The following CXXC1 variants were observed in gnomAD, a reference collection of about 807,000 sequenced individuals.
CXXC1 encodes CXXC-type zinc finger protein 1.
CXXC1 carries 21 observed loss-of-function variants against 83.6 expected under a neutral mutation model. The observed-to-expected ratio is 0.25, with a 90% confidence interval of 0.18 to 0.36. The LOEUF is 0.36. Ranked by LOEUF, CXXC1 falls within the 10% of genes least tolerant of loss-of-function variation. The pLI is 1.00. For synonymous variants in CXXC1, 371 were observed against 337.5 expected (o/e 1.10, Z -1.09); for missense variants, 688 against 919.5 (o/e 0.75, Z 3.26).
intron 13 of CXXC1, 77 bp downstream of exon 13, chr18:50,283,188 G>A (rs2149285135): frequency 7.4e-7 from 1 of 1,350,542 alleles, no homozygotes; most frequent in South Asian, 1.2e-5. Context: ...AAAGTGAGGT[G>A]AGGAAGGAAG....
In CXXC1 at chr18:50,285,435, T is replaced by G; in HGVS notation, c.640-84A>C. On this transcript the variant is annotated intron_variant, in intron 5 of 14. Coordinates refer to ENST00000285106, the MANE Select transcript of CXXC1 (RefSeq NM_014593.4). The surrounding 1 kb of genome is among the most constrained non-coding windows in gnomAD (Gnocchi z 4.4). Reference sequence around the variant, plus strand: ...CTAGCCCTACCCACCTGGCCTGGCCTTACCTCCCCAGACACACCTCCCCGC... The same window carrying G: ...CTAGCCCTACCCACCTGGCCTGGCCGTACCTCCCCAGACACACCTCCCCGC... 1 of 1,476,194 alleles carries G rather than the reference T, an allele frequency of 6.8e-7. No individual in the cohort carries two copies. Among genetic ancestry groups the G allele is most frequent in the Non-Finnish European group, 9.1e-7 (1 of 1,103,620 alleles). The allele number at this position is 1,476,194 out of a possible 1,614,324, so 91.4% of individuals were successfully genotyped here.
In CXXC1 at chr18:50,285,710, C is replaced by G; in HGVS notation, c.639+39G>C. 6.2e-7 allele frequency: 1 copy of G among 1,603,116 alleles called. No homozygotes were observed. The highest frequency in any genetic ancestry group is 1.1e-5 in the South Asian group (1 of 90,600). ...CTAACCATGCATGGACCCACCAGCT[C>G]TCCCACACCTGACCCTACCCAGCTC... On this transcript the variant is annotated intron_variant, in intron 5 of 14. Transcript: ENST00000285106. The surrounding 1 kb of genome is among the most constrained non-coding windows in gnomAD (Gnocchi z 4.4).
intron 1 of CXXC1, 169 bp from the exon 2 acceptor site, chr18:50,287,027 C>T (rs1257963845): frequency 1.6e-5 from 10 of 613,252 alleles, no homozygotes; most frequent in South Asian, 1.8e-5. Flanking sequence ...CCATCCCTTC[C>T]TCTGACATCC....
chr18:50,285,480 T>G lies in CXXC1; in HGVS notation c.640-129A>C. 1 of 1,185,560 alleles carries G rather than the reference T, an allele frequency of 8.4e-7. No individual in the cohort carries two copies. Among genetic ancestry groups the G allele is most frequent in the Non-Finnish European group, 1.2e-6 (1 of 853,692 alleles). 73.4% of individuals were successfully genotyped at this position (1,185,560 alleles called of 1,614,324 possible). Reference sequence around the variant, plus strand: ...CCCCGCTACCCCTCATTGCCAGGAATGCTCAGCCCTGCCTGATCTGTACCA... The same window carrying G: ...CCCCGCTACCCCTCATTGCCAGGAAGGCTCAGCCCTGCCTGATCTGTACCA... On this transcript the variant is annotated intron_variant, in intron 5 of 14. Coordinates refer to ENST00000285106, the MANE Select transcript of CXXC1 (RefSeq NM_014593.4). The surrounding 1 kb of genome is among the most constrained non-coding windows in gnomAD (Gnocchi z 4.4).
intron 7 of CXXC1, 55 bp downstream of exon 7, chr18:50,284,947 C>T: frequency 1.2e-6 from 2 of 1,612,850 alleles, no homozygotes; most frequent in Non-Finnish European, 1.7e-6. Context: ...ATTAGGGATA[C>T]TCTCTGCTTC....
chr18:50,284,861 AC>A (rs1287689650), intron 7 of CXXC1, 22 bp from the exon 8 acceptor site: 6 of 1,613,792 alleles, frequency 3.7e-6, no homozygotes, highest in Non-Finnish European at 5.1e-6. Flanking sequence ...GCATGCACTG[AC>A]CCACCTGCCC....
intron 9 of CXXC1, 31 bp from the exon 10 acceptor site, chr18:50,284,132 G>A: frequency 6.3e-7 from 1 of 1,588,854 alleles, no homozygotes; most frequent in Non-Finnish European, 8.6e-7. Context: ...AACAGAATGA[G>A]TGAGGTGATC....
Position 50,283,818 on chromosome 18 carries a change from G to A in CXXC1, c.1414-3C>T. On this transcript the variant is annotated splice_polypyrimidine_tract_variant and splice_region_variant and intron_variant, in intron 10 of 14. Transcript: ENST00000285106. ...TCATCACTGTCACCCTCGTTGCTCT[G>A]CATGGAATGGAAGGAACAATAAGGC... 6.2e-7 allele frequency: 1 copy of A among 1,614,084 alleles called. No individual in the cohort carries two copies. Among genetic ancestry groups the A allele is most frequent in the Non-Finnish European group, 8.5e-7 (1 of 1,179,918 alleles).
rs748917594 is a variant in CXXC1, at chr18:50,286,723, A to G, written c.122+17T>C. 8.1e-6 allele frequency: 13 copies of G among 1,611,558 alleles called. No homozygotes were observed. In the East Asian group the frequency reaches 2.7e-4, roughly 33 times the overall value. ...CACCCTGCCAGTGTCAGCCCCGCCC[A>G]TCTCTCCCGCGCTCACATCATGAAG... On this transcript the variant is annotated intron_variant, in intron 2 of 14. Transcript: ENST00000285106.
chr18:50,284,450 G>T lies in CXXC1; in HGVS notation c.1133C>A (p.Pro378His). ...DPASLPQCLG[P>H]GCVRPAQPSS... ...GGGCTGGGCGGGGCGCACACAGCCGGGCCCCAGGCACTGGGGCAGTGACGC... is the reference window on the plus strand; with the variant it reads ...GGGCTGGGCGGGGCGCACACAGCCGTGCCCCAGGCACTGGGGCAGTGACGC... The change falls in exon 9 of 15, where the codon CCC becomes CAC. Residue 378 changes from proline to histidine, a missense_variant. This residue lies in a region of CXXC1 where 100 missense variants were observed against 142.5 expected (regional missense o/e 0.70). Coordinates refer to ENST00000285106, the MANE Select transcript of CXXC1 (RefSeq NM_014593.4). The T allele has an allele frequency of 6.2e-7, 1 of 1,604,520 alleles. No homozygotes were observed.
At chr18:50,287,147 G>A in intron 1 of CXXC1, 1 of 525,628 alleles carries the variant, frequency 1.9e-6, no homozygotes, top group Non-Finnish European at 3.4e-6. Flanking sequence ...CACAGACCCC[G>A]CGTAACTCAC....
rs1258822219 is a variant in CXXC1 at position 50,286,861 on chromosome 18, G to A, written c.4-3C>T. On this transcript the variant is annotated splice_polypyrimidine_tract_variant and splice_region_variant and intron_variant, in intron 1 of 14. Coordinates refer to ENST00000285106, the MANE Select transcript of CXXC1 (RefSeq NM_014593.4). ...TCTGGGTCTGAACCATCTCCCTCCT[G>A]CAGGACACCCCCATTACGGATCCTT... The A allele has an allele frequency of 1.9e-6, 3 of 1,599,806 alleles. No homozygotes were observed. Among genetic ancestry groups the A allele is most frequent in the African/African-American group, 2.7e-5 (2 of 74,544 alleles).
Position 50,282,746 on chromosome 18 carries a change from A to G in CXXC1, c.1825-7T>C. 1 of 1,613,810 alleles carries G rather than the reference A, an allele frequency of 6.2e-7. No homozygotes were observed. The stretch of plus-strand genomic sequence containing the variant: ...GCTCGTCCAGCTTGTACCACTGCCA[A>G]GGGAGCGGCAGGAGTCCTAAGCAGG... On this transcript the variant is annotated splice_polypyrimidine_tract_variant and splice_region_variant and intron_variant, in intron 14 of 14. Coordinates refer to ENST00000285106, the MANE Select transcript of CXXC1 (RefSeq NM_014593.4). The surrounding 1 kb of genome is among the most constrained non-coding windows in gnomAD (Gnocchi z 5.8).
chr18:50,282,476 A>G lies in CXXC1; in HGVS notation c.*117T>C. The G allele has an allele frequency of 7.5e-7, 1 of 1,338,252 alleles. No homozygotes were observed. The highest frequency in any genetic ancestry group is 1.0e-6 in the Non-Finnish European group (1 of 960,862). The allele number at this position is 1,338,252 out of a possible 1,614,324, so 82.9% of individuals were successfully genotyped here. ...TCTGATAAAGGCAGATGGGCGGTCA[A>G]CCGGTGGATGGGCACAGGGAGAACC... On this transcript the variant is annotated 3_prime_UTR_variant, in exon 15 of 15. Transcript: ENST00000285106. The surrounding 1 kb of genome is among the most constrained non-coding windows in gnomAD (Gnocchi z 5.8).
Position 50,282,510 on chromosome 18 carries a change from AGAT to A in CXXC1, c.*80_*82del. The A allele has an allele frequency of 6.5e-7, 1 of 1,532,650 alleles. No individual in the cohort carries two copies. Among genetic ancestry groups the A allele is most frequent in the South Asian group, 1.1e-5 (1 of 87,568 alleles). 94.9% of individuals were successfully genotyped at this position (1,532,650 alleles called of 1,614,324 possible). ...TGGGCACAGGGAGAACCGGAGAAAC[AGAT>A]GAGTGGAGGAACGGACACACGGGCA... On this transcript the variant is annotated 3_prime_UTR_variant, in exon 15 of 15. Transcript: ENST00000285106. This position sits in a 1 kb window ranked among gnomAD's most constrained non-coding sequence, Gnocchi z 5.8.
Position 50,283,702 on chromosome 18 carries a change from A to T in CXXC1, c.1524+3T>A, listed in dbSNP as rs763394398. 2 of 1,613,938 alleles carry T rather than the reference A, an allele frequency of 1.2e-6. No individual in the cohort carries two copies. Among genetic ancestry groups the T allele is most frequent in the Non-Finnish European group, 1.7e-6 (2 of 1,179,850 alleles). On this transcript the variant is annotated splice_donor_region_variant and intron_variant, in intron 11 of 14. Transcript: ENST00000285106. ...GTCCGCCCCCTCAGTCTGACACCCC[A>T]ACCTTGGCGTAGCAGCGCTCCATGT...
rs1354341163 is a variant in CXXC1 at position 50,285,083 on chromosome 18, C to T, written c.831G>A (p.Glu277=). 1 of 1,614,264 alleles carries T rather than the reference C, an allele frequency of 6.2e-7. No homozygotes were observed. Among genetic ancestry groups the T allele is most frequent in the East Asian group, 2.2e-5 (1 of 44,888 alleles). The change falls in exon 7 of 15, where the codon GAG becomes GAA. Residue 277 remains glutamate, a synonymous_variant. Transcript: ENST00000285106. The surrounding 1 kb of genome is among the most constrained non-coding windows in gnomAD (Gnocchi z 4.4). ...KEPPEATATP[E]PLSDEDLPLD... is the part of the protein sequence containing the mutation. ...GAGGTAGGTCCTCATCTGAGAGTGG[C>T]TCAGGTGTGGCTGTAGCCTCAGGAG...
Position 50,284,857 on chromosome 18 carries a change from A to G in CXXC1, c.913-18T>C, listed in dbSNP as rs761984988. On this transcript the variant is annotated intron_variant, in intron 7 of 14. Transcript: ENST00000285106. ...ATCCAGGGCTGCAAGCAGGGCATGC[A>G]CTGACCCACCTGCCCCGCTCGTGAC... 4.3e-6 allele frequency: 7 copies of G among 1,613,984 alleles called. No individual in the cohort carries two copies. The highest frequency in any genetic ancestry group is 5.9e-6 in the Non-Finnish European group (7 of 1,180,000).
Position 50,287,683 on chromosome 18 carries a change from G to T in CXXC1, c.-94C>A. ...CGGCGTCCCAGGCGGTTGCAAAGGCGCCCACAACTACTTCCGCTTCTAGTC... is the reference window on the plus strand; with the variant it reads ...CGGCGTCCCAGGCGGTTGCAAAGGCTCCCACAACTACTTCCGCTTCTAGTC... On this transcript the variant is annotated 5_prime_UTR_variant, in exon 1 of 15. Transcript: ENST00000285106. The T allele has an allele frequency of 1.3e-6, 2 of 1,494,460 alleles. No individual in the cohort carries two copies. Among genetic ancestry groups the T allele is most frequent in the Non-Finnish European group, 1.8e-6 (2 of 1,087,658 alleles). The allele number at this position is 1,494,460 out of a possible 1,614,324, so 92.6% of individuals were successfully genotyped here. A position where few individuals can be genotyped will look rare whatever the true frequency, so the allele number is the denominator to read the frequency against.
Sources: gnomAD v4.1 joint callset for allele counts on GRCh38, gnomAD v4.1.1 for gene constraint, gnomAD v4.1.1 regional missense constraint, Gnocchi (gnomAD v3.1) non-coding constraint, MANE v1.5 for transcripts, NCBI Gene and HGNC (gene_info 2026-07-23, HGNC 2026-07-21) for gene names.